The following ANK3 variants were observed in gnomAD, a reference collection of about 807,000 sequenced individuals.
ANK3 encodes ankyrin 3, also known as ankyrin-3.
In ANK3, 57 loss-of-function variants were observed where a neutral mutation model predicts 370.9. That is an observed-to-expected ratio of 0.15 (90% CI 0.12 to 0.19). The LOEUF (loss-of-function observed/expected upper bound fraction) is 0.19, where lower values mean the gene tolerates loss of function less well. Among genes scored for constraint, ANK3 ranks in the 10% least tolerant of loss-of-function variants. The pLI is 1.00. For missense variants in ANK3, 4,439 were observed against 5,302.1 expected, an observed-to-expected ratio of 0.84 and a Z score of 5.06; for synonymous variants, 1,929 against 1,946.3, an observed-to-expected ratio of 0.99 and a Z score of 0.23.
At chr10:60,475,027 A>T (rs2075022914) in intron 2 of ANK3, among the ~76,000 whole-genome samples, 1 of 152,160 alleles carries the variant, frequency 6.6e-6, no homozygotes, top group Non-Finnish European at 1.5e-5. Flanking sequence ...AGTCTTACCT[A>T]TTGAAATGTG....
intron 1 of ANK3, among the ~76,000 whole-genome samples, chr10:60,285,419 G>A (rs1388589531): frequency 6.6e-6 from 1 of 152,096 alleles, no homozygotes; most frequent in African/African-American, 2.4e-5. Flanking sequence ...CTGTCTCTCT[G>A]TATAAAATCA....
At chr10:60,733,362 T>C (rs976043086) in exon 1 of ANK3, 1 of 1,228,212 alleles carries the variant, frequency 8.1e-7, no homozygotes. Context: ...AACTCCAGTC[T>C]CTCCTCCCCG....
At chr10:60,124,567 T>G (rs533955467) in intron 25 of ANK3, among the ~76,000 whole-genome samples, 13 of 152,364 alleles carry the variant, frequency 8.5e-5, no homozygotes, top group African/African-American at 3.1e-4. Context: ...TAGCATATCC[T>G]TTTCACATCA....
chr10:60,130,614 T>A (rs2094009921), intron 25 of ANK3, among the ~76,000 whole-genome samples: 2 of 152,224 alleles, frequency 1.3e-5, no homozygotes. Flanking sequence ...AATACAAAAT[T>A]AGAGAAATGA....
intron 1 of ANK3, among the ~76,000 whole-genome samples, chr10:60,378,487 TA>T (rs146481486): frequency 0.087 from 13,235 of 152,146 alleles, 727 homozygotes; most frequent in South Asian, 0.13. Flanking sequence ...GATACTGGCA[TA>T]AAAACAGACA....
Position 60,073,351 on chromosome 10 carries a change from G to T in ANK3, c.7530C>A (p.Pro2510=), listed in dbSNP as rs780998183. ...AGATTTTGGAGAGAATTTCTTTTTT[G>T]GGGGCAGTGGCTATTTTTTCTCTGG... is the stretch of plus-strand genomic sequence containing the variant. ...KRSREKIATA[P]KKEILSKIYK... is the part of the protein sequence containing the mutation. Residue 2510 remains proline, a synonymous_variant, in exon 37 of 44, where the codon CCC becomes CCA. Transcript: ENST00000280772. 4 of 1,613,684 alleles carry T rather than the reference G, an allele frequency of 2.5e-6. No individual in the cohort carries two copies. Among genetic ancestry groups the T allele is most frequent in the Non-Finnish European group, 3.4e-6 (4 of 1,179,968 alleles).
chr10:60,143,557 T>A (rs1300169515), intron 23 of ANK3, among the ~76,000 whole-genome samples: 1 of 152,200 alleles, frequency 6.6e-6, no homozygotes, highest in East Asian at 1.9e-4. Context: ...TGTAGGTTTA[T>A]GTTTTCTAAA....
chr10:60,095,118 A>G (rs1035769910), intron 28 of ANK3, among the ~76,000 whole-genome samples: 2 of 152,232 alleles, frequency 1.3e-5, no homozygotes, highest in African/African-American at 4.8e-5. Flanking sequence ...AAGGCTTTTG[A>G]GTCTAATAAA....
At chr10:60,617,981 T>C (rs948183774) in intron 1 of ANK3, among the ~76,000 whole-genome samples, 3 of 152,198 alleles carry the variant, frequency 2.0e-5, no homozygotes, top group African/African-American at 7.2e-5. Flanking sequence ...TTGAGTTTGA[T>C]GTTGACTATG....
rs1019505222 is a variant in ANK3 at position 60,075,318 on chromosome 10, G to A, written c.5563C>T (p.Pro1855Ser). 3.7e-6 allele frequency: 6 copies of A among 1,614,162 alleles called. No homozygotes were observed. The highest frequency in any genetic ancestry group is 5.1e-6 in the Non-Finnish European group (6 of 1,180,022). Residue 1855 changes from proline (P) to serine (S), a missense_variant, in exon 37 of 44, where the codon CCC (proline) becomes TCC (serine). Pro to Ser is a moderately conservative substitution (Grantham distance 74, BLOSUM62 -1). Transcript: ENST00000280772. ...GTCTCCGTAGTCAATGTTTTAATGGGTGACAGCAAGGCTGCTGCTGATTTT... is the reference window on the plus strand; with the variant it reads ...GTCTCCGTAGTCAATGTTTTAATGGATGACAGCAAGGCTGCTGCTGATTTT... ...FTKSAAALLS[P>S]IKTLTTETHP...
chr10:60,583,683 C>T (rs982321129), intron 2 of ANK3, among the ~76,000 whole-genome samples: 1 of 151,736 alleles, frequency 6.6e-6, no homozygotes, highest in East Asian at 1.9e-4. Flanking sequence ...TCCGGGTTCA[C>T]GCGATTCTCC....
At chr10:60,057,170 T>G (rs926933041) in intron 41 of ANK3, among the ~76,000 whole-genome samples, 3 of 152,320 alleles carry the variant, frequency 2.0e-5, no homozygotes, top group Admixed American at 1.3e-4. Context: ...ACTCTTGACC[T>G]CTGCTAATCT....
At chr10:60,163,956 T>C (rs759618416) in intron 23 of ANK3, among the ~76,000 whole-genome samples, 1 of 152,200 alleles carries the variant, frequency 6.6e-6, no homozygotes, top group Non-Finnish European at 1.5e-5. Flanking sequence ...TATGGCTTCA[T>C]GGAAATGAAC....
At chr10:60,127,981 G>T (rs902047814) in intron 25 of ANK3, among the ~76,000 whole-genome samples, 4 of 152,100 alleles carry the variant, frequency 2.6e-5, no homozygotes, top group African/African-American at 9.7e-5. Context: ...ACAGATGTGA[G>T]CCACCGCGCC....
chr10:60,458,356 C>T (rs1291232036), intron 2 of ANK3, among the ~76,000 whole-genome samples: 3 of 152,108 alleles, frequency 2.0e-5, no homozygotes, highest in African/African-American at 4.8e-5. Context: ...AAGGTACATT[C>T]CAACATCTCT....
rs113310569 is a variant in ANK3 at position 60,175,938 on chromosome 10, C to T, written c.2185-2752G>A. ...ACAATTATTTCAACAGTGTCTGACA[C>T]ATAGGGTTAGCTATTATTACCTCGT... On this transcript the variant is annotated intron_variant, in intron 18 of 43. Transcript: ENST00000280772. Among the ~76,000 whole-genome samples the T allele has an allele frequency of 2.7e-3, 410 of 152,294 alleles. 1 individual carries two copies. The highest frequency in any genetic ancestry group is 4.4e-3 in the Non-Finnish European group (300 of 68,018).
chr10:60,611,589 T>C (rs572329778), intron 2 of ANK3, among the ~76,000 whole-genome samples: 1 of 152,232 alleles, frequency 6.6e-6, no homozygotes, highest in African/African-American at 2.4e-5. Flanking sequence ...TAGAATTGTG[T>C]CATTGGGATT....
At chr10:60,717,927 C>T (rs900699879) in intron 1 of ANK3, among the ~76,000 whole-genome samples, 3 of 152,144 alleles carry the variant, frequency 2.0e-5, no homozygotes, top group African/African-American at 7.2e-5. Context: ...AGTGAGCTAC[C>T]AGCAACATGA....
intron 2 of ANK3, among the ~76,000 whole-genome samples, chr10:60,410,860 C>G (rs1280884930): frequency 6.6e-6 from 1 of 151,602 alleles, no homozygotes; most frequent in Non-Finnish European, 1.5e-5. Context: ...TTTGCAGTGA[C>G]AAGGTCTCCC....
Sources: allele counts gnomAD v4.1 joint callset (sites outside exome capture counted in the v4.1 genomes callset), GRCh38; gene constraint gnomAD v4.1.1; transcripts MANE v1.5; gene names NCBI Gene and HGNC (gene_info 2026-07-23, HGNC 2026-07-21).